Variants in DPYD observed in about 807,000 individuals in gnomAD.
DPYD encodes dihydropyrimidine dehydrogenase [NADP(+)].
A neutral mutation model predicts 116.2 loss-of-function variants in DPYD; 109 were observed. The observed-to-expected ratio is 0.94, with a 90% CI of 0.80 to 1.10. The LOEUF is 1.10. Among genes scored for constraint, DPYD ranks in the 50% least tolerant of loss-of-function variants. DPYD has a pLI of 0.00. For missense variants in DPYD, 1,302 were observed against 1,254.5 expected (o/e 1.04, Z -0.57); for synonymous variants, 440 against 432.0 (o/e 1.02, Z -0.23).
chr1:97,593,360 G>A lies in DPYD; in HGVS notation c.986C>T (p.Pro329Leu). Residue 329 changes from proline (P) to leucine (L), a missense_variant, in exon 10 of 23, where the codon CCA (proline) becomes CTA (leucine). Coordinates refer to ENST00000370192, the MANE Select transcript of DPYD (RefSeq NM_000110.4). The part of the protein sequence containing the change: ...AGMCACHSPL[P>L]SIRGVVIVLG... ...TACAATCACGACTCCCCGTATCGAT[G>A]GCAATGGAGAGTGACAGGCGCACAT... 4 of 1,614,082 alleles carry A rather than the reference G, an allele frequency of 2.5e-6. No homozygotes were observed. The highest frequency in any genetic ancestry group is 2.5e-6 in the Non-Finnish European group (3 of 1,180,000).
intron 14 of DPYD, among the ~76,000 whole-genome samples, chr1:97,419,470 C>T (rs1674461034): frequency 1.3e-5 from 2 of 152,098 alleles, no homozygotes; most frequent in Admixed American, 1.3e-4. Flanking sequence ...CACAACAACG[C>T]TGTAAAATAG....
intron 2 of DPYD, among the ~76,000 whole-genome samples, chr1:97,830,543 T>C (rs909365004): frequency 3.3e-5 from 5 of 151,986 alleles, no homozygotes; most frequent in African/African-American, 1.2e-4. Context: ...GAACTCTGTC[T>C]CTACTAAAAA....
chr1:97,670,644 C>T (rs181456458), intron 8 of DPYD, among the ~76,000 whole-genome samples: 46 of 152,222 alleles, frequency 3.0e-4, no homozygotes, highest in African/African-American at 9.9e-4. Context: ...GGCATAGCAG[C>T]CCAGCAAGAC....
At position 97,794,372 on chromosome 1, in the gene DPYD, G is replaced by A. The variant is rs554848939; in HGVS notation, c.233+33742C>T. 1.1e-4 allele frequency among the ~76,000 whole-genome samples: 16 copies of A among 151,046 alleles called. 1 individual carries two copies. In the South Asian group the frequency reaches 1.2e-3, roughly 12 times the overall value. ...AAATAAATAATAACAGAAACAAGCC[G>A]ACCAAAAAAAATAAACAAATGTCCT... On this transcript the variant is annotated intron_variant, in intron 3 of 22. Transcript: ENST00000370192.
chr1:97,289,955 A>C (rs76974978), intron 18 of DPYD, among the ~76,000 whole-genome samples: 37,489 of 151,926 alleles, frequency 0.25, 5,520 homozygotes, highest in Admixed American at 0.39. Context: ...TCTCAGCCCA[A>C]AATCTCCTTA....
At chr1:97,174,221 T>C (rs967679903) in intron 20 of DPYD, among the ~76,000 whole-genome samples, 1 of 152,162 alleles carries the variant, frequency 6.6e-6, no homozygotes, top group African/African-American at 2.4e-5. Context: ...TCTGGAAGCT[T>C]TGGCCTCAGG....
intron 8 of DPYD, among the ~76,000 whole-genome samples, chr1:97,609,794 T>C (rs369699991): frequency 1.3e-5 from 2 of 152,016 alleles, no homozygotes; most frequent in Non-Finnish European, 2.9e-5. Context: ...GGTGCTTGAA[T>C]GTTAATATAG....
intron 4 of DPYD, among the ~76,000 whole-genome samples, chr1:97,731,727 T>C (rs1187198729): frequency 6.6e-6 from 1 of 152,038 alleles, no homozygotes; most frequent in Non-Finnish European, 1.5e-5. Flanking sequence ...TTTCTTTTGG[T>C]CTATATTCTG....
At chr1:97,207,810 G>A (rs12093238) in intron 19 of DPYD, among the ~76,000 whole-genome samples, 4,719 of 152,072 alleles carry the variant, frequency 0.031, 221 homozygotes, top group African/African-American at 0.1. Flanking sequence ...TCTGCATCAC[G>A]CACCAATAGA....
intron 19 of DPYD, among the ~76,000 whole-genome samples, chr1:97,207,949 T>C (rs1452384974): frequency 2.0e-5 from 3 of 152,168 alleles, no homozygotes; most frequent in East Asian, 3.9e-4. Context: ...TCAAAGTAAA[T>C]GATAAAATGT....
At chr1:97,794,115 T>C (rs1237201150) in intron 3 of DPYD, among the ~76,000 whole-genome samples, 1 of 152,162 alleles carries the variant, frequency 6.6e-6, no homozygotes, top group African/African-American at 2.4e-5. Context: ...TTTTTGTATA[T>C]TTAGTAAGGA....
chr1:97,719,637 C>A, intron 5 of DPYD: 1 of 918,138 alleles, frequency 1.1e-6, no homozygotes, highest in Non-Finnish European at 1.3e-6. Context: ...TTTTTAACTT[C>A]CTAATAACTT....
intron 13 of DPYD, among the ~76,000 whole-genome samples, chr1:97,452,654 T>C (rs1013117023): frequency 6.6e-6 from 1 of 152,240 alleles, no homozygotes; most frequent in African/African-American, 2.4e-5. Flanking sequence ...TGGTTTAGTA[T>C]CATCCTCTTG....
intron 14 of DPYD, among the ~76,000 whole-genome samples, chr1:97,427,326 G>A (rs1298515554): frequency 2.6e-5 from 4 of 151,702 alleles, no homozygotes; most frequent in African/African-American, 9.7e-5. Context: ...GTTATCTCAA[G>A]AGCCAACATA....
chr1:97,300,691 T>C (rs1303590184), intron 18 of DPYD, among the ~76,000 whole-genome samples: 1 of 152,092 alleles, frequency 6.6e-6, no homozygotes, highest in African/African-American at 2.4e-5. Context: ...ACAAAATAAG[T>C]GTATGATTAG....
At chr1:97,092,571 G>A (rs1211912081) in intron 21 of DPYD, among the ~76,000 whole-genome samples, 1 of 152,040 alleles carries the variant, frequency 6.6e-6, no homozygotes, top group South Asian at 2.1e-4. Context: ...TAGAGTATTA[G>A]GTTAAGTAAG....
rs151337997 is a variant in DPYD, at chr1:97,489,345, G to C, written c.1740+26381C>G. The stretch of plus-strand genomic sequence containing the variant: ...AATGGATGAATTTAGCACAATAAAG[G>C]TAGGAAAATGTTGACCAGCCATGCT... On this transcript the variant is annotated intron_variant, in intron 13 of 22. Transcript: ENST00000370192. Among the ~76,000 whole-genome samples, 422 of 152,258 alleles carry C rather than the reference G, an allele frequency of 2.8e-3. 5 individuals are homozygous for C. Among genetic ancestry groups the C allele is most frequent in the African/African-American group, 9.4e-3 (389 of 41,544 alleles).
intron 14 of DPYD, among the ~76,000 whole-genome samples, chr1:97,436,656 T>G (rs2101747125): frequency 6.6e-6 from 1 of 152,190 alleles, no homozygotes; most frequent in East Asian, 1.9e-4. Context: ...CTCAAGATTC[T>G]TCTTTTACTG....
intron 2 of DPYD, among the ~76,000 whole-genome samples, chr1:97,829,929 G>A (rs1669446060): frequency 1.3e-5 from 2 of 151,472 alleles, no homozygotes; most frequent in African/African-American, 4.9e-5. Context: ...CTCCAGTGTG[G>A]GATGTTCCCC....
Sources: allele counts gnomAD v4.1 joint callset (sites outside exome capture counted in the v4.1 genomes callset), GRCh38; gene constraint gnomAD v4.1.1; transcripts MANE v1.5; gene names NCBI Gene and HGNC (gene_info 2026-07-23, HGNC 2026-07-21).